FARS2: variants seen among roughly 807,000 people sequenced by gnomAD.
FARS2 encodes the protein phenylalanine--tRNA ligase, mitochondrial.
A neutral mutation model predicts 46.4 loss-of-function variants in FARS2; 40 were observed. That is an observed-to-expected ratio of 0.86 (90% CI 0.67 to 1.12). The LOEUF (loss-of-function observed/expected upper bound fraction) is 1.12. Ranked by LOEUF, FARS2 falls within the 50% of genes most tolerant of loss-of-function variation. FARS2 has a pLI of 0.00. For synonymous variants in FARS2, 234 were observed against 214.9 expected, an observed-to-expected ratio of 1.09 and a Z score of -0.78; for missense variants, 513 against 567.9, an observed-to-expected ratio of 0.90 and a Z score of 0.98.
At chr6:5,617,283 A>G (rs1004240699) in intron 6 of FARS2, among the ~76,000 whole-genome samples, 1 of 152,238 alleles carries the variant, frequency 6.6e-6, no homozygotes, top group East Asian at 1.9e-4. Context: ...ATTTGAAAAC[A>G]TTCTTCATTG....
intron 6 of FARS2, among the ~76,000 whole-genome samples, chr6:5,731,058 T>C (rs1002192655): frequency 6.6e-6 from 1 of 152,176 alleles, no homozygotes; most frequent in African/African-American, 2.4e-5. Context: ...CTGGAGCATG[T>C]GTGTACATGC....
chr6:5,491,778 A>G (rs1767128772), intron 4 of FARS2, among the ~76,000 whole-genome samples: 1 of 152,224 alleles, frequency 6.6e-6, no homozygotes, highest in East Asian at 1.9e-4. Flanking sequence ...TGTACTCACC[A>G]GATATCACAG....
At chr6:5,761,500 C>G (rs1582895573) in intron 6 of FARS2, among the ~76,000 whole-genome samples, 3 of 152,346 alleles carry the variant, frequency 2.0e-5, no homozygotes, top group Admixed American at 2.0e-4. Context: ...TCACCTGCCA[C>G]AGATCTTCTG....
At chr6:5,580,238 C>T (rs1352449386) in intron 5 of FARS2, among the ~76,000 whole-genome samples, 5 of 135,596 alleles carry the variant, frequency 3.7e-5, no homozygotes, top group African/African-American at 8.4e-5. Flanking sequence ...TACAGTGACC[C>T]GAGAGCATGC....
At chr6:5,702,069 T>C (rs865957562) in intron 6 of FARS2, among the ~76,000 whole-genome samples, 5 of 152,356 alleles carry the variant, frequency 3.3e-5, no homozygotes, top group South Asian at 2.1e-4. Flanking sequence ...TTCTGCTTTA[T>C]TGTACTGCTG....
chr6:5,454,567 A>G (rs997470288), intron 4 of FARS2, among the ~76,000 whole-genome samples: 3 of 152,052 alleles, frequency 2.0e-5, no homozygotes, highest in African/African-American at 7.3e-5. Flanking sequence ...GATGGTCTCA[A>G]TCTCCTGACC....
At chr6:5,575,656 T>C (rs146332767) in intron 5 of FARS2, among the ~76,000 whole-genome samples, 7 of 152,354 alleles carry the variant, frequency 4.6e-5, no homozygotes, top group South Asian at 2.1e-4. Context: ...CAGGATTCAA[T>C]ACAATTTTAT....
intron 5 of FARS2, among the ~76,000 whole-genome samples, chr6:5,549,346 G>A (rs571229131): frequency 4.6e-5 from 7 of 152,132 alleles, no homozygotes; most frequent in African/African-American, 9.6e-5. Context: ...CCCACTCCAC[G>A]ACAGACCCTG....
intron 1 of FARS2, among the ~76,000 whole-genome samples, chr6:5,317,432 C>CACACAAGCAGACAAA (rs1316827884): frequency 3.9e-5 from 6 of 152,156 alleles, no homozygotes; most frequent in Non-Finnish European, 7.4e-5. Context: ...GGGAAGCACA[C>CACACAAGCAGACAAA]AAGTGCTTCT....
intron 1 of FARS2, among the ~76,000 whole-genome samples, chr6:5,284,663 T>C (rs1371554660): frequency 6.6e-6 from 1 of 152,204 alleles, no homozygotes; most frequent in African/African-American, 2.4e-5. Context: ...TCCCTCACCT[T>C]GTTTACTGTC....
At chr6:5,378,417 A>G (rs1024234621) in intron 2 of FARS2, among the ~76,000 whole-genome samples, 3 of 152,184 alleles carry the variant, frequency 2.0e-5, no homozygotes, top group African/African-American at 4.8e-5. Flanking sequence ...GTCATTTATC[A>G]TTAGAAAATC....
intron 1 of FARS2, among the ~76,000 whole-genome samples, chr6:5,268,037 T>C (rs1174305552): frequency 1.3e-5 from 2 of 152,160 alleles, no homozygotes; most frequent in Non-Finnish European, 2.9e-5. Flanking sequence ...TTCGCCCACT[T>C]TTTGATGGGG....
At chr6:5,277,427 G>T (rs1387943711) in intron 1 of FARS2, among the ~76,000 whole-genome samples, 1 of 152,110 alleles carries the variant, frequency 6.6e-6, no homozygotes, top group African/African-American at 2.4e-5. Context: ...TTACAAATGG[G>T]TGGTTGCAGA....
rs370691026 is a variant in FARS2 at position 5,545,514 on chromosome 6, C to T, written c.1065+174C>T. Among the ~76,000 whole-genome samples the T allele has an allele frequency of 2.1e-4, 32 of 152,112 alleles. 1 individual carries two copies. In the East Asian group the frequency reaches 3.9e-3, roughly 18 times the overall value. ...CGTGCAGGTTTGTTGCATAGGTATA[C>T]GTGTGCCATGGTGGTTTGCTGTGCC... is the stretch of plus-strand genomic sequence containing the variant. On this transcript the variant is annotated intron_variant, in intron 5 of 6. Coordinates refer to ENST00000274680, the MANE Select transcript of FARS2 (RefSeq NM_006567.5).
At chr6:5,395,313 A>T (rs1377317809) in intron 2 of FARS2, among the ~76,000 whole-genome samples, 1 of 152,148 alleles carries the variant, frequency 6.6e-6, no homozygotes, top group African/African-American at 2.4e-5. Flanking sequence ...GGCCTCTGAA[A>T]GTGCTGGGAC....
intron 3 of FARS2, among the ~76,000 whole-genome samples, chr6:5,407,129 A>G (rs778368988): frequency 5.4e-5 from 8 of 148,038 alleles, no homozygotes; most frequent in Non-Finnish European, 1.0e-4. Context: ...AAACAAAACC[A>G]CAAAGAGCTT....
At chr6:5,454,215 C>A (rs1189646647) in intron 4 of FARS2, among the ~76,000 whole-genome samples, 1 of 131,662 alleles carries the variant, frequency 7.6e-6, no homozygotes. Context: ...TTTTTTAGAC[C>A]CATGGACATG....
intron 1 of FARS2, among the ~76,000 whole-genome samples, chr6:5,278,182 G>T (rs1766470260): frequency 6.6e-6 from 1 of 152,228 alleles, no homozygotes; most frequent in Non-Finnish European, 1.5e-5. Context: ...TGTGTGATCT[G>T]TGAGTAAATG....
intron 2 of FARS2, among the ~76,000 whole-genome samples, chr6:5,377,750 G>C (rs1759475911): frequency 1.3e-5 from 2 of 152,098 alleles, no homozygotes; most frequent in Admixed American, 1.3e-4. Context: ...ATTTTAAAGA[G>C]CTCTCCTCTG....
Sources: gnomAD v4.1 joint callset for allele counts (sites outside exome capture counted in the v4.1 genomes callset) on GRCh38, gnomAD v4.1.1 for gene constraint, MANE v1.5 for transcripts, NCBI Gene and HGNC (gene_info 2026-07-23, HGNC 2026-07-21) for gene names.